The following TTLL5 variants were observed in gnomAD, a reference collection of about 807,000 sequenced individuals.
TTLL5 encodes tubulin polyglutamylase TTLL5.
TTLL5 carries 132 observed loss-of-function variants against 168.4 expected under a neutral mutation model. That is an observed-to-expected ratio of 0.78 (90% CI 0.68 to 0.91). The LOEUF is 0.91. Among genes scored for constraint, TTLL5 ranks in the 40% least tolerant of loss-of-function variants. The pLI is 0.00. For missense variants in TTLL5, 1,545 were observed against 1,581.5 expected (o/e 0.98, Z 0.39); for synonymous variants, 546 against 558.6 (o/e 0.98, Z 0.32).
At chr14:75,704,256 C>T (rs376743945) in intron 7 of TTLL5, among the ~76,000 whole-genome samples, 1 of 152,074 alleles carries the variant, frequency 6.6e-6, no homozygotes, top group African/African-American at 2.4e-5. Context: ...GATACCTTTC[C>T]AGCCAGGCGC....
chr14:75,815,541 C>T (rs184043686), intron 27 of TTLL5, among the ~76,000 whole-genome samples: 10 of 152,054 alleles, frequency 6.6e-5, no homozygotes, highest in Non-Finnish European at 1.0e-4. Flanking sequence ...CAAAACTGGC[C>T]GAGGATGTTT....
At chr14:75,852,498 A>G (rs1193918315) in intron 28 of TTLL5, among the ~76,000 whole-genome samples, 1 of 152,170 alleles carries the variant, frequency 6.6e-6, no homozygotes, top group African/African-American at 2.4e-5. Flanking sequence ...AAAAGTTCAC[A>G]TAGTTTTTCC....
chr14:75,863,617 T>C, intron 28 of TTLL5, 50 bp from the exon 29 acceptor site: 1 of 1,512,074 alleles, frequency 6.6e-7, no homozygotes, highest in Non-Finnish European at 8.9e-7. Flanking sequence ...TTCCTCTAGA[T>C]TGTTCATACA....
intron 20 of TTLL5, among the ~76,000 whole-genome samples, chr14:75,769,739 A>G (rs900758710): frequency 5.3e-5 from 8 of 152,206 alleles, no homozygotes; most frequent in Non-Finnish European, 1.0e-4. Context: ...GAATTTATTG[A>G]CCCAAACTGA....
Position 75,793,057 on chromosome 14 carries a change from G to A in TTLL5, c.3128G>A (p.Arg1043Lys), listed in dbSNP as rs754859098. 1 of 1,613,722 alleles carries A rather than the reference G, an allele frequency of 6.2e-7. No homozygotes were observed. Among genetic ancestry groups the A allele is most frequent in the Non-Finnish European group, 8.5e-7 (1 of 1,179,760 alleles). ...CGGCTAGCTGAGAAGCAGGCAGCGA[G>A]ACAGTATTCTCCATCCAGCCACATC... ...LQRLAEKQAARQYSPSSHINL... is the reference protein window; with the variant it reads ...LQRLAEKQAAKQYSPSSHINL... Residue 1043 changes from arginine (R) to lysine (K), a missense_variant, in exon 27 of 32, where the codon AGA (arginine) becomes AAA (lysine). Arg to Lys is a conservative substitution (Grantham distance 26). Coordinates refer to ENST00000298832, the MANE Select transcript of TTLL5 (RefSeq NM_015072.5).
intron 7 of TTLL5, among the ~76,000 whole-genome samples, chr14:75,700,877 G>A (rs1276627332): frequency 2.0e-5 from 3 of 152,004 alleles, no homozygotes; most frequent in African/African-American, 7.2e-5. Flanking sequence ...AATTTAACCA[G>A]GATTTAGGCC....
chr14:75,850,894 A>G (rs533900099), intron 28 of TTLL5, among the ~76,000 whole-genome samples: 3 of 152,160 alleles, frequency 2.0e-5, no homozygotes, highest in South Asian at 4.2e-4. Context: ...CAGGAGTTCA[A>G]GACCAGCCTG....
At chr14:75,847,337 T>C (rs1487875465) in intron 28 of TTLL5, among the ~76,000 whole-genome samples, 1 of 151,998 alleles carries the variant, frequency 6.6e-6, no homozygotes, top group African/African-American at 2.4e-5. Flanking sequence ...ATACCAAAGC[T>C]GATTAGCTTC....
chr14:75,936,843 A>C (rs1450766302), intron 31 of TTLL5, among the ~76,000 whole-genome samples: 1 of 152,194 alleles, frequency 6.6e-6, no homozygotes, highest in Non-Finnish European at 1.5e-5. Flanking sequence ...AATTTCCCAA[A>C]GGAAGAGAAA....
At chr14:75,683,432 AC>A in intron 4 of TTLL5, 117 bp from the exon 5 acceptor site, 1 of 769,456 alleles carries the variant, frequency 1.3e-6, no homozygotes, top group Non-Finnish European at 2.2e-6. Context: ...TAATTGGGCC[AC>A]CCCGGTGAGT....
chr14:75,807,859 A>G (rs1405092425), intron 27 of TTLL5, among the ~76,000 whole-genome samples: 1 of 152,260 alleles, frequency 6.6e-6, no homozygotes, highest in African/African-American at 2.4e-5. Flanking sequence ...TCAGAGAAAC[A>G]AGGAGTTGAA....
chr14:75,719,383 A>G (rs1460731259), intron 10 of TTLL5, among the ~76,000 whole-genome samples: 1 of 152,234 alleles, frequency 6.6e-6, no homozygotes, highest in Non-Finnish European at 1.5e-5. Context: ...CATTCACCTC[A>G]AAGGTTAATT....
intron 31 of TTLL5, among the ~76,000 whole-genome samples, chr14:75,933,379 C>T (rs913775830): frequency 6.6e-6 from 1 of 152,200 alleles, no homozygotes; most frequent in Non-Finnish European, 1.5e-5. Flanking sequence ...AGGAGGATTG[C>T]TTGAACCCTG....
rs772998369 is a variant in TTLL5 at position 75,663,185 on chromosome 14, A to G, written c.36A>G (p.Thr12=). The G allele has an allele frequency of 3.1e-6, 5 of 1,613,628 alleles. No individual in the cohort carries two copies. Among genetic ancestry groups the G allele is most frequent in the Admixed American group, 1.7e-5 (1 of 59,966 alleles). Residue 12 remains threonine, a synonymous_variant, in exon 2 of 32, where the codon ACA becomes ACG. Coordinates refer to ENST00000298832, the MANE Select transcript of TTLL5 (RefSeq NM_015072.5). ...PIVMARDLEE[T]ASSSEDEEVI... ...TGATGGCCCGGGACCTGGAGGAAAC[A>G]GCATCATCCTCAGAGGATGAGGAGG...
chr14:75,950,326 G>GACC (rs1451523877), intron 31 of TTLL5, among the ~76,000 whole-genome samples: 5 of 152,164 alleles, frequency 3.3e-5, no homozygotes, highest in Non-Finnish European at 7.4e-5. Context: ...TACATTAGAG[G>GACC]ACCAGATCAT....
At chr14:75,723,316 G>A (rs1887964713) in intron 12 of TTLL5, among the ~76,000 whole-genome samples, 1 of 152,128 alleles carries the variant, frequency 6.6e-6, no homozygotes, top group African/African-American at 2.4e-5. Context: ...TGAATGATTG[G>A]CACTTGCTTT....
Position 75,919,539 on chromosome 14 carries a change from C to G in TTLL5, c.3823+17315C>G, listed in dbSNP as rs193079890. 3.0e-3 allele frequency among the ~76,000 whole-genome samples: 460 copies of G among 152,274 alleles called. 5 individuals are homozygous for G. The highest frequency in any genetic ancestry group is 4.9e-3 in the Non-Finnish European group (330 of 68,020). ...CCAAGACTATTCAGCGGAATAGTCT[C>G]TTCAACAACTGGCATTTGAACAGTT... On this transcript the variant is annotated intron_variant, in intron 31 of 31. Transcript: ENST00000298832.
chr14:75,678,037 C>T (rs1269560231), intron 3 of TTLL5, among the ~76,000 whole-genome samples: 1 of 152,208 alleles, frequency 6.6e-6, no homozygotes, highest in Non-Finnish European at 1.5e-5. Context: ...GGGGCAAGCA[C>T]TGCAGAACAT....
At chr14:75,934,787 A>G (rs2034385730) in intron 31 of TTLL5, among the ~76,000 whole-genome samples, 1 of 152,228 alleles carries the variant, frequency 6.6e-6, no homozygotes, top group East Asian at 1.9e-4. Context: ...AATAGGTCAT[A>G]AAAAGCTGAG....
Sources: allele counts gnomAD v4.1 joint callset (sites outside exome capture counted in the v4.1 genomes callset), GRCh38; gene constraint gnomAD v4.1.1; transcripts MANE v1.5; gene names NCBI Gene and HGNC (gene_info 2026-07-23, HGNC 2026-07-21).